STARD13: variants seen among roughly 807,000 people sequenced by gnomAD.
STARD13 encodes the protein StAR related lipid transfer domain containing 13.
STARD13 carries 62 observed loss-of-function variants against 106.4 expected under a neutral mutation model. The observed-to-expected ratio is 0.58, with a 90% CI of 0.48 to 0.72. The LOEUF is 0.72. Ranked by LOEUF, STARD13 falls within the 30% of genes least tolerant of loss-of-function variation. The pLI, the probability that STARD13 is intolerant of heterozygous loss-of-function variation, is 0.00. For missense variants in STARD13, 1,387 were observed against 1,424.0 expected (o/e 0.97, Z 0.42); for synonymous variants, 565 against 553.0 (o/e 1.02, Z -0.31).
chr13:33,105,245 T>C lies in STARD13; in HGVS notation c.*348A>G, dbSNP rs1324224417. 1.7e-4 allele frequency: 35 copies of C among 211,866 alleles called. No homozygotes were observed. In the East Asian group the frequency reaches 3.2e-3, roughly 19 times the overall value. The allele number at this position is 211,866 out of a possible 1,614,324, so 13.1% of individuals were successfully genotyped here. A position where few individuals can be genotyped will look rare whatever the true frequency, so the allele number is the denominator to read the frequency against. On this transcript the variant is annotated 3_prime_UTR_variant, in exon 14 of 14. Transcript: ENST00000336934. The stretch of plus-strand genomic sequence containing the variant: ...AAAGATGGAGATATACACACATATG[T>C]ACATATGCTATACATACATTTATTT...
chr13:33,362,951 C>T, the STARD13 span, among the ~76,000 whole-genome samples: 6 of 152,160 alleles, frequency 3.9e-5, no homozygotes, highest in African/African-American at 1.4e-4. Flanking sequence ...AAGCTAGTGC[C>T]ATCAGTGGAA....
chr13:33,298,732 A>G (rs73468191), intron 1 of STARD13, among the ~76,000 whole-genome samples: 1,843 of 152,296 alleles, frequency 0.012, 35 homozygotes, highest in African/African-American at 0.041. Context: ...CTAGATCACA[A>G]TCTAAGCCAA....
chr13:33,551,529 A>G, the STARD13 span, among the ~76,000 whole-genome samples: 3 of 146,846 alleles, frequency 2.0e-5, no homozygotes, highest in East Asian at 6.3e-4. Flanking sequence ...AGCAAGATCC[A>G]ACTATCTTCT....
Position 33,259,128 on chromosome 13 carries a change from C to T in STARD13, c.169+26342G>A, listed in dbSNP as rs527806834. Among the ~76,000 whole-genome samples the T allele has an allele frequency of 2.6e-3, 396 of 152,332 alleles. 4 individuals carry two copies. The highest frequency in any genetic ancestry group is 9.2e-3 in the African/African-American group (384 of 41,586). On this transcript the variant is annotated intron_variant, in intron 1 of 13. Coordinates refer to ENST00000336934, the MANE Select transcript of STARD13 (RefSeq NM_178006.4). ...TCTACCTCCCTCCCTTCCTCCCCTG[C>T]CCCCACTAGAATGGAAGCTCCTGGA...
chr13:33,524,250 T>C, the STARD13 span: 4 of 1,276,402 alleles, frequency 3.1e-6, no homozygotes, highest in African/African-American at 6.1e-5. Context: ...TAGTTTTTGG[T>C]TGAGTTCCAG....
At chr13:33,414,589 G>GA in the STARD13 span, among the ~76,000 whole-genome samples, 1 of 111,494 alleles carries the variant, frequency 9.0e-6, no homozygotes, top group African/African-American at 3.5e-5. Flanking sequence ...TTTTTGAAAA[G>GA]AAAAAAATTA....
At chr13:33,386,253 G>A in the STARD13 span, among the ~76,000 whole-genome samples, 26 of 152,174 alleles carry the variant, frequency 1.7e-4, no homozygotes, top group African/African-American at 5.1e-4. Flanking sequence ...CCAGTCCACT[G>A]TAATTATAAA....
the STARD13 span, among the ~76,000 whole-genome samples, chr13:33,458,006 G>A: frequency 6.6e-6 from 1 of 152,076 alleles, no homozygotes; most frequent in Admixed American, 6.6e-5. Flanking sequence ...AAGAACAGGT[G>A]GTGAGCATCA....
At chr13:33,410,406 A>G in the STARD13 span, among the ~76,000 whole-genome samples, 1 of 152,238 alleles carries the variant, frequency 6.6e-6, no homozygotes, top group Non-Finnish European at 1.5e-5. Context: ...GCTTGATCAC[A>G]GTAACATCCC....
intron 1 of STARD13, among the ~76,000 whole-genome samples, chr13:33,303,641 C>T (rs1892800001): frequency 6.6e-6 from 1 of 152,072 alleles, no homozygotes; most frequent in Non-Finnish European, 1.5e-5. Flanking sequence ...AATTTAAGTA[C>T]CACTATATTC....
the STARD13 span, among the ~76,000 whole-genome samples, chr13:33,623,985 A>C: frequency 3.9e-5 from 6 of 152,228 alleles, no homozygotes; most frequent in Non-Finnish European, 1.5e-5. Context: ...AGAGTTGTAG[A>C]ATAACTGGAG....
the STARD13 span, among the ~76,000 whole-genome samples, chr13:33,528,408 C>A: frequency 6.6e-6 from 1 of 150,406 alleles, no homozygotes; most frequent in African/African-American, 2.5e-5. Context: ...TAGCTGAGAC[C>A]GTAGGGTGTG....
At chr13:33,656,039 T>A in the STARD13 span, among the ~76,000 whole-genome samples, 1 of 152,214 alleles carries the variant, frequency 6.6e-6, no homozygotes, top group South Asian at 2.1e-4. Context: ...ACCTTTCTAC[T>A]TAAGTGGGCA....
intron 1 of STARD13, among the ~76,000 whole-genome samples, chr13:33,295,392 C>T (rs772963956): frequency 6.6e-6 from 1 of 152,114 alleles, no homozygotes; most frequent in African/African-American, 2.4e-5. Flanking sequence ...AGGGGAGGCT[C>T]CTCTTTTGAG....
At chr13:33,105,882 ACGTC>A (rs1390555921) in intron 13 of STARD13, among the ~76,000 whole-genome samples, 172 bp from the exon 14 acceptor site, 2 of 152,216 alleles carry the variant, frequency 1.3e-5, no homozygotes, top group Admixed American at 1.3e-4. Flanking sequence ...GGCCTTGAAA[ACGTC>A]CTGGCTGCTA....
At chr13:33,350,239 G>A (rs2078061619) in intron 1 of STARD13, 1 of 1,497,042 alleles carries the variant, frequency 6.7e-7, no homozygotes, top group East Asian at 2.6e-5. Flanking sequence ...CGGGCTACGG[G>A]GCCGGCGCCT....
At chr13:33,152,718 C>T (rs902681238) in intron 3 of STARD13, among the ~76,000 whole-genome samples, 1 of 152,170 alleles carries the variant, frequency 6.6e-6, no homozygotes, top group Non-Finnish European at 1.5e-5. Flanking sequence ...AAAAAAAATC[C>T]CTCCCAGCTC....
chr13:33,662,269 A>T, the STARD13 span, among the ~76,000 whole-genome samples: 1 of 152,058 alleles, frequency 6.6e-6, no homozygotes. Flanking sequence ...CTCAAAAAAA[A>T]AAAAAAAGTT....
the STARD13 span, among the ~76,000 whole-genome samples, chr13:33,448,652 T>C: frequency 1.3e-5 from 2 of 152,178 alleles, no homozygotes; most frequent in African/African-American, 4.8e-5. Flanking sequence ...AGGGTAGTTC[T>C]ATTTCTAATG....
Sources: gnomAD v4.1 joint callset for allele counts (sites outside exome capture counted in the v4.1 genomes callset) on GRCh38, gnomAD v4.1.1 for gene constraint, MANE v1.5 for transcripts, NCBI Gene and HGNC (gene_info 2026-07-23, HGNC 2026-07-21) for gene names.